Variants in DNAH7 observed in about 807,000 individuals in gnomAD.
DNAH7 encodes axonemal beta dynein heavy chain 7.
In DNAH7, 397 loss-of-function variants were observed where a neutral mutation model predicts 444.6. The observed-to-expected ratio is 0.89, with a 90% confidence interval of 0.82 to 0.97. The LOEUF is 0.97. Ranked by LOEUF, DNAH7 falls within the 50% of genes least tolerant of loss-of-function variation. DNAH7 has a pLI of 0.00. For missense variants in DNAH7, 4,902 were observed against 4,800.8 expected (o/e 1.02, Z -0.62); for synonymous variants, 1,636 against 1,624.4 (o/e 1.01, Z -0.17).
At chr2:195,784,819 T>C (rs1043728530) in intron 58 of DNAH7, among the ~76,000 whole-genome samples, 1 of 152,214 alleles carries the variant, frequency 6.6e-6, no homozygotes, top group African/African-American at 2.4e-5. Context: ...TTTTAGTTTT[T>C]ATTTCTCTGA....
At chr2:195,923,901 T>C (rs1031533055) in intron 22 of DNAH7, 94 bp from the exon 23 acceptor site, 15 of 1,081,662 alleles carry the variant, frequency 1.4e-5, no homozygotes, top group Non-Finnish European at 2.0e-5. Context: ...GATTATTCTC[T>C]GCATTTTGAT....
chr2:196,061,424 G>A (rs58438841), intron 1 of DNAH7, among the ~76,000 whole-genome samples: 5,707 of 152,128 alleles, frequency 0.038, 244 homozygotes, highest in African/African-American at 0.099. Flanking sequence ...AACTTAATGT[G>A]TCCAAAATAT....
At chr2:196,028,822 C>T (rs1695853825) in intron 5 of DNAH7, among the ~76,000 whole-genome samples, 1 of 152,154 alleles carries the variant, frequency 6.6e-6, no homozygotes, top group African/African-American at 2.4e-5. Flanking sequence ...ACTAACTGCC[C>T]AGTGAGGGGA....
rs2125914602 is a variant in DNAH7 at position 196,068,799 on chromosome 2, C to A, written c.-88G>T. 1 of 1,510,650 alleles carries A rather than the reference C, an allele frequency of 6.6e-7. No individual in the cohort carries two copies. The highest frequency in any genetic ancestry group is 8.9e-7 in the Non-Finnish European group (1 of 1,118,410). The allele number at this position is 1,510,650 out of a possible 1,614,324, so 93.6% of individuals were successfully genotyped here. ...GGACGATAGAGGCAGGGCCCCGGGA[C>A]TTGCAGCGGTCTCAGCTCCCTCCGC... On this transcript the variant is annotated 5_prime_UTR_variant, in exon 1 of 65. Coordinates refer to ENST00000312428, the MANE Select transcript of DNAH7 (RefSeq NM_018897.3).
intron 38 of DNAH7, 149 bp downstream of exon 38, chr2:195,875,526 T>C (rs1001053576): frequency 1.6e-5 from 11 of 707,290 alleles, no homozygotes; most frequent in Non-Finnish European, 2.2e-5. Flanking sequence ...GTTGGTCATA[T>C]GATACACTCT....
At chr2:196,007,862 T>C (rs1323766881) in intron 10 of DNAH7, among the ~76,000 whole-genome samples, 3 of 152,200 alleles carry the variant, frequency 2.0e-5, no homozygotes, top group Admixed American at 1.3e-4. Flanking sequence ...GGTATGTCTT[T>C]ATTAACAGTG....
At chr2:195,863,946 A>G (rs1376838650) in intron 41 of DNAH7, among the ~76,000 whole-genome samples, 1 of 152,156 alleles carries the variant, frequency 6.6e-6, no homozygotes, top group African/African-American at 2.4e-5. Context: ...TAATATATTG[A>G]AGTTAGTGAT....
intron 46 of DNAH7, among the ~76,000 whole-genome samples, chr2:195,852,935 GAGAGAGAGAGAGAC>G (rs1453966748): frequency 6.6e-6 from 1 of 150,498 alleles, no homozygotes; most frequent in Non-Finnish European, 1.5e-5. Context: ...GAGAGAGAGA[GAGAGAGAGAGAGAC>G]AGAGTTCTGA....
intron 15 of DNAH7, among the ~76,000 whole-genome samples, chr2:195,978,564 A>G (rs1358454365): frequency 6.6e-6 from 1 of 152,064 alleles, no homozygotes; most frequent in Non-Finnish European, 1.5e-5. Context: ...ATCAATCAAA[A>G]TTATCAATAA....
At chr2:195,763,846 G>A (rs144416033) in intron 61 of DNAH7, among the ~76,000 whole-genome samples, 235 of 152,020 alleles carry the variant, frequency 1.5e-3, no homozygotes, top group African/African-American at 5.6e-3. Flanking sequence ...CTGAAAAAGA[G>A]AGGTGGAGGG....
In DNAH7 at chr2:195,776,102, G is replaced by A. The variant is rs920076181; in HGVS notation, c.11065-119C>T. 15 of 1,245,224 alleles carry A rather than the reference G, an allele frequency of 1.2e-5. No individual in the cohort carries two copies. In the African/African-American group the frequency reaches 2.3e-4, roughly 19 times the overall value. The allele number at this position is 1,245,224 out of a possible 1,614,324, so 77.1% of individuals were successfully genotyped here. ...ATTGACTGGATAGGCCTGTGACACT[G>A]GACATTGAGTGCTTTCACTTTCTTT... On this transcript the variant is annotated intron_variant, in intron 59 of 64. Coordinates refer to ENST00000312428, the MANE Select transcript of DNAH7 (RefSeq NM_018897.3).
chr2:195,789,683 C>T (rs1478630383), intron 57 of DNAH7, among the ~76,000 whole-genome samples: 1 of 151,790 alleles, frequency 6.6e-6, no homozygotes, highest in African/African-American at 2.4e-5. Context: ...CATGTGCCTC[C>T]AGATGTGATC....
At chr2:195,754,627 C>G in intron 62 of DNAH7, 113 bp from the exon 63 acceptor site, 12 of 994,844 alleles carry the variant, frequency 1.2e-5, no homozygotes, top group Non-Finnish European at 1.7e-5. Flanking sequence ...CCTCTCACCT[C>G]AGCCTCCCAA....
chr2:195,851,772 A>G (rs1699378876), intron 46 of DNAH7, among the ~76,000 whole-genome samples: 1 of 152,202 alleles, frequency 6.6e-6, no homozygotes, highest in Non-Finnish European at 1.5e-5. Flanking sequence ...AATGCTAGAC[A>G]GGAGCCAGTG....
intron 1 of DNAH7, among the ~76,000 whole-genome samples, chr2:196,061,956 T>C (rs964453860): frequency 1.3e-5 from 2 of 152,212 alleles, no homozygotes; most frequent in Non-Finnish European, 2.9e-5. Context: ...CTTAAAAATA[T>C]ACATGTGACT....
chr2:195,952,425 G>A (rs1474606007), intron 19 of DNAH7, among the ~76,000 whole-genome samples: 2 of 152,082 alleles, frequency 1.3e-5, no homozygotes, highest in African/African-American at 4.8e-5. Context: ...TCTTCTCGAG[G>A]AGTATCTCTG....
At chr2:196,006,790 T>C (rs780289706) in intron 10 of DNAH7, among the ~76,000 whole-genome samples, 2 of 152,042 alleles carry the variant, frequency 1.3e-5, no homozygotes, top group Non-Finnish European at 2.9e-5. Flanking sequence ...GACCATTCCA[T>C]TTACATAGCA....
rs1701410562 is a variant in DNAH7 at position 195,881,971 on chromosome 2, A to G, written c.5785T>C (p.Trp1929Arg). Reference sequence around the variant, plus strand: ...GGAGCTTCTTTCAATTTCTTTATCCATGGTTCCCATTTTCCTATTCCCTGT... The same window carrying G: ...GGAGCTTCTTTCAATTTCTTTATCCGTGGTTCCCATTTTCCTATTCCCTGT... ...VTEGIGKWEPWIKKLKEAPPI... is the reference protein window; with the variant it reads ...VTEGIGKWEPRIKKLKEAPPI... Residue 1929 changes from tryptophan to arginine, a missense_variant, in exon 36 of 65, where the codon TGG (tryptophan) becomes CGG (arginine). Physicochemically the swap from Trp to Arg is moderately radical, Grantham distance 101. Coordinates refer to ENST00000312428, the MANE Select transcript of DNAH7 (RefSeq NM_018897.3). 6.2e-7 allele frequency: 1 copy of G among 1,613,710 alleles called. No individual in the cohort carries two copies. Among genetic ancestry groups the G allele is most frequent in the African/African-American group, 1.3e-5 (1 of 75,028 alleles).
At chr2:195,869,263 T>G (rs150936077) in intron 40 of DNAH7, among the ~76,000 whole-genome samples, 2 of 150,952 alleles carry the variant, frequency 1.3e-5, no homozygotes, top group Non-Finnish European at 2.9e-5. Flanking sequence ...ACTTCTGTGG[T>G]TCCACCCCAG....
Sources: gnomAD v4.1 joint callset for allele counts (sites outside exome capture counted in the v4.1 genomes callset) on GRCh38, gnomAD v4.1.1 for gene constraint, MANE v1.5 for transcripts, NCBI Gene and HGNC (gene_info 2026-07-23, HGNC 2026-07-21) for gene names.